HS6ST3: variants seen among roughly 807,000 people sequenced by gnomAD.
The protein encoded by HS6ST3 is heparan sulfate 6-O-sulfotransferase 3.
Under a neutral mutation model 36.7 loss-of-function variants are expected in HS6ST3, and 12 were observed. The observed-to-expected ratio is 0.33, with a 90% CI of 0.21 to 0.53. The LOEUF (loss-of-function observed/expected upper bound fraction) is 0.53. Ranked by LOEUF, HS6ST3 falls within the 20% of genes least tolerant of loss-of-function variation. HS6ST3 has a pLI of 0.95. For missense variants in HS6ST3, 584 were observed against 640.9 expected (o/e 0.91, Z 0.96); for synonymous variants, 240 against 257.5 (o/e 0.93, Z 0.65).
At position 96,833,145 on chromosome 13, in the gene HS6ST3, G is replaced by A. The variant is rs758295331; in HGVS notation, c.1363G>A (p.Ala455Thr). Reference protein sequence around the residue: ...RDHQWPKEDGAAEGTVTEDYN... With the variant: ...RDHQWPKEDGTAEGTVTEDYN... ...CCACCAGTGGCCCAAAGAAGATGGG[G>A]CTGCAGAAGGGACTGTCACCGAGGA... The change falls in exon 2 of 2, where the codon GCT (alanine) becomes ACT (threonine). Residue 455 changes from alanine to threonine, a missense_variant. Around this residue, in one of 3 missense-constraint regions of HS6ST3, gnomAD observed 360 missense variants for 411.3 expected, o/e 0.88. Transcript: ENST00000376705. 1 of 1,597,500 alleles carries A rather than the reference G, an allele frequency of 6.3e-7. No homozygotes were observed. The highest frequency in any genetic ancestry group is 8.5e-7 in the Non-Finnish European group (1 of 1,178,380).
chr13:96,574,199 G>C (rs1357554683), intron 1 of HS6ST3: 1 of 511,138 alleles, frequency 2.0e-6, no homozygotes, highest in African/African-American at 1.9e-5. Flanking sequence ...TTTCTGCTCT[G>C]TCTCCCTCCA....
rs555622402 is a variant in HS6ST3 at position 96,634,802 on chromosome 13, G to A, written c.708-197688G>A. Among the ~76,000 whole-genome samples the A allele has an allele frequency of 3.3e-5, 5 of 152,004 alleles. No homozygotes were observed. In the South Asian group the frequency reaches 8.3e-4, roughly 25 times the overall value. ...GTGGTGTCTCTTCCCAGCGATTCTCGACTACTGCTTCTCTCTTTCAATGAG... is the reference window on the plus strand; with the variant it reads ...GTGGTGTCTCTTCCCAGCGATTCTCAACTACTGCTTCTCTCTTTCAATGAG... On this transcript the variant is annotated intron_variant, in intron 1 of 1. Transcript: ENST00000376705.
chr13:96,598,476 T>C (rs1023588935), intron 1 of HS6ST3, among the ~76,000 whole-genome samples: 4 of 152,156 alleles, frequency 2.6e-5, no homozygotes, highest in Non-Finnish European at 5.9e-5. Flanking sequence ...AATTTTCATC[T>C]TGGCCATTGT....
intron 1 of HS6ST3, among the ~76,000 whole-genome samples, chr13:96,698,300 T>C (rs540996462): frequency 5.3e-5 from 8 of 152,182 alleles, no homozygotes; most frequent in Non-Finnish European, 1.0e-4. Context: ...GTGGTGTTTG[T>C]TTTTTTGTCC....
At chr13:96,773,677 T>G (rs746367469) in intron 1 of HS6ST3, among the ~76,000 whole-genome samples, 2 of 152,112 alleles carry the variant, frequency 1.3e-5, no homozygotes, top group Non-Finnish European at 2.9e-5. Flanking sequence ...GCATCCCCAG[T>G]CAGGGGCTTA....
rs569108863 is a variant in HS6ST3 at position 96,197,528 on chromosome 13, C to T, written c.707+105959C>T. Among the ~76,000 whole-genome samples, 3 of 152,204 alleles carry T rather than the reference C, an allele frequency of 2.0e-5. No homozygotes were observed. The South Asian group carries it at 6.2e-4, about 32-fold the overall frequency. ...ACCAATCATGCCTTCCCAACAGTCC[C>T]CCAAAGTCTTAACTCATTTTGGCAT... On this transcript the variant is annotated intron_variant, in intron 1 of 1. Transcript: ENST00000376705.
At chr13:96,446,263 TA>T (rs1361903114) in intron 1 of HS6ST3, among the ~76,000 whole-genome samples, 5 of 152,190 alleles carry the variant, frequency 3.3e-5, no homozygotes, top group Admixed American at 3.3e-4. Context: ...TATAATTTTA[TA>T]AAAAGTTGAG....
intron 1 of HS6ST3, among the ~76,000 whole-genome samples, chr13:96,163,932 GA>G (rs566826995): frequency 2.8e-4 from 42 of 152,130 alleles, no homozygotes; most frequent in Non-Finnish European, 5.9e-4. Context: ...TAAAACTGGA[GA>G]AACATTTTAT....
chr13:96,459,388 C>T (rs1312066449), intron 1 of HS6ST3, among the ~76,000 whole-genome samples: 3 of 151,990 alleles, frequency 2.0e-5, no homozygotes, highest in African/African-American at 4.8e-5. Flanking sequence ...TATGGGCTTG[C>T]TTCTCATGAG....
At chr13:96,385,043 G>A (rs908629402) in intron 1 of HS6ST3, among the ~76,000 whole-genome samples, 3 of 151,940 alleles carry the variant, frequency 2.0e-5, no homozygotes, top group African/African-American at 7.2e-5. Flanking sequence ...GCTGGGTGTG[G>A]TGGCACATGC....
intron 1 of HS6ST3, among the ~76,000 whole-genome samples, chr13:96,322,264 G>T (rs1230491511): frequency 6.6e-6 from 1 of 151,928 alleles, no homozygotes; most frequent in African/African-American, 2.4e-5. Flanking sequence ...GCTACTTCTG[G>T]CTGGATGCTG....
At chr13:96,235,602 T>C (rs916379443) in intron 1 of HS6ST3, among the ~76,000 whole-genome samples, 11 of 152,084 alleles carry the variant, frequency 7.2e-5, no homozygotes, top group Non-Finnish European at 1.6e-4. Context: ...TTGTTTTTTT[T>C]CCTTGTCCTC....
chr13:96,542,049 T>C (rs1415236626), intron 1 of HS6ST3, among the ~76,000 whole-genome samples: 3 of 152,240 alleles, frequency 2.0e-5, no homozygotes, highest in African/African-American at 7.2e-5. Context: ...TAGTTATGCA[T>C]ATCTACAGAT....
chr13:96,705,725 C>A (rs1327376347), intron 1 of HS6ST3, among the ~76,000 whole-genome samples: 1 of 152,176 alleles, frequency 6.6e-6, no homozygotes, highest in South Asian at 2.1e-4. Context: ...GGAGGAACCT[C>A]ACAGGCAAGC....
At chr13:96,427,695 A>G (rs528088389) in intron 1 of HS6ST3, among the ~76,000 whole-genome samples, 1 of 152,318 alleles carries the variant, frequency 6.6e-6, no homozygotes, top group Admixed American at 6.5e-5. Flanking sequence ...GAACTGAGAA[A>G]TCTACATTGG....
At chr13:96,669,557 T>C (rs867476701) in intron 1 of HS6ST3, among the ~76,000 whole-genome samples, 5 of 152,186 alleles carry the variant, frequency 3.3e-5, no homozygotes. Flanking sequence ...TATCTTCTTA[T>C]TTAATTTCTA....
intron 1 of HS6ST3, among the ~76,000 whole-genome samples, chr13:96,342,327 G>GT (rs1465815302): frequency 5.9e-5 from 9 of 152,104 alleles, no homozygotes; most frequent in Admixed American, 5.9e-4. Context: ...TCTAGACTGA[G>GT]TTCCATGAAG....
At chr13:96,502,722 C>G (rs1032137961) in intron 1 of HS6ST3, among the ~76,000 whole-genome samples, 1 of 152,146 alleles carries the variant, frequency 6.6e-6, no homozygotes, top group Non-Finnish European at 1.5e-5. Flanking sequence ...CATGCACCAT[C>G]TCTCATGTGC....
At chr13:96,594,033 C>T (rs1295808787) in intron 1 of HS6ST3, among the ~76,000 whole-genome samples, 3 of 151,684 alleles carry the variant, frequency 2.0e-5, no homozygotes, top group Admixed American at 6.6e-5. Context: ...CTCAGCTCAC[C>T]GCGATCTCAG....
Sources: allele counts gnomAD v4.1 joint callset (sites outside exome capture counted in the v4.1 genomes callset), GRCh38; gene constraint gnomAD v4.1.1; regional missense constraint gnomAD v4.1.1; transcripts MANE v1.5; gene names NCBI Gene and HGNC (gene_info 2026-07-23, HGNC 2026-07-21).